The following SRR variants were observed in gnomAD, a reference collection of about 807,000 sequenced individuals.
SRR encodes serine racemase.
A neutral mutation model predicts 32.7 loss-of-function variants in SRR; 19 were observed. The observed-to-expected ratio is 0.58, with a 90% CI of 0.40 to 0.85. SRR has a LOEUF of 0.85. SRR is among the 40% of genes least tolerant of loss of function. The pLI, the probability that SRR is intolerant of heterozygous loss-of-function variation, is 0.00. For missense variants in SRR, 373 were observed against 404.7 expected, an observed-to-expected ratio of 0.92 and a Z score of 0.67; for synonymous variants, 142 against 140.9, an observed-to-expected ratio of 1.01 and a Z score of -0.06.
upstream of SRR, chr17:2,303,625 C>T (rs2075342030): frequency 6.9e-7 from 1 of 1,453,182 alleles, no homozygotes. Flanking sequence ...CTGGGCGGCG[C>T]GACTCACCTC....
chr17:2,321,726 T>G (rs914146071), intron 6 of SRR, 110 bp downstream of exon 6: 1 of 976,462 alleles, frequency 1.0e-6, no homozygotes, highest in African/African-American at 1.6e-5. Flanking sequence ...TTCCTTCCCC[T>G]TATTCCTTTG....
chr17:2,323,716 G>T lies in SRR; in HGVS notation c.866G>T (p.Gly289Val), dbSNP rs2075554692. The change falls in exon 8 of 8, where the codon GGA becomes GTA. Residue 289 changes from glycine to valine, a missense_variant. Gly to Val is a moderately radical substitution (Grantham distance 109). Transcript: ENST00000344595. ...CTCATTGAACCTACAGCTGGTGTTG[G>T]AGTGGCTGCTGTGCTGTCTCAACAT... ...KLLIEPTAGVGVAAVLSQHFQ... is the reference protein window; with the variant it reads ...KLLIEPTAGVVVAAVLSQHFQ... 1 of 1,613,914 alleles carries T rather than the reference G, an allele frequency of 6.2e-7. No homozygotes were observed. The highest frequency in any genetic ancestry group is 8.5e-7 in the Non-Finnish European group (1 of 1,179,924).
chr17:2,318,920 T>C lies in SRR; in HGVS notation c.390T>C (p.Pro130=). 1 of 1,611,214 alleles carries C rather than the reference T, an allele frequency of 6.2e-7. No homozygotes were observed. The highest frequency in any genetic ancestry group is 8.5e-7 in the Non-Finnish European group (1 of 1,177,474). ...GAGCGTCAATTGTATACTGTGAACC[T>C]AGTGATGAGGTAAGGAGAGCAGTGC... ...AYGASIVYCE[P]SDESRENVAK... The change falls in exon 4 of 8, where the codon CCT becomes CCC. Residue 130 remains proline, a synonymous_variant. Coordinates refer to ENST00000344595, the MANE Select transcript of SRR (RefSeq NM_021947.3).
At chr17:2,308,335 A>C (rs2075408519) in intron 1 of SRR, among the ~76,000 whole-genome samples, 1 of 152,196 alleles carries the variant, frequency 6.6e-6, no homozygotes, top group Admixed American at 6.5e-5. Flanking sequence ...GCTGTACTTT[A>C]AATAGATTGA....
chr17:2,313,609 G>A (rs549840006), intron 1 of SRR, among the ~76,000 whole-genome samples: 204 of 152,012 alleles, frequency 1.3e-3, no homozygotes, highest in Non-Finnish European at 2.6e-3. Flanking sequence ...GGTGGTGGGC[G>A]CCTGTAATGC....
At position 2,324,159 on chromosome 17, in the gene SRR, T is replaced by C. The variant is rs561395220; in HGVS notation, c.*286T>C. 2.6e-6 allele frequency: 4 copies of C among 1,511,918 alleles called. No homozygotes were observed. In the African/African-American group the frequency reaches 5.6e-5, roughly 21 times the overall value. 93.7% of individuals were successfully genotyped at this position (1,511,918 alleles called of 1,614,324 possible). On this transcript the variant is annotated 3_prime_UTR_variant, in exon 8 of 8. Coordinates refer to ENST00000344595, the MANE Select transcript of SRR (RefSeq NM_021947.3). ...CTTGTGCCTCCCATCCCTGGAGTAC[T>C]GACTGGCACCGGTAAGACAGAATCT... is the stretch of plus-strand genomic sequence containing the variant.
chr17:2,304,930 C>A (rs79113721), intron 1 of SRR, among the ~76,000 whole-genome samples: 1 of 152,252 alleles, frequency 6.6e-6, no homozygotes, highest in Non-Finnish European at 1.5e-5. Context: ...AGGTGAAGCT[C>A]CCTTCCCCAA....
chr17:2,313,363 G>A (rs2075446696), intron 1 of SRR, among the ~76,000 whole-genome samples: 1 of 151,346 alleles, frequency 6.6e-6, no homozygotes, highest in Non-Finnish European at 1.5e-5. Context: ...CTGGGAGGCA[G>A]AGGTTGCAGT....
At chr17:2,315,800 C>T (rs2075468599) in intron 2 of SRR, 72 bp downstream of exon 2, 8 of 1,410,410 alleles carry the variant, frequency 5.7e-6, no homozygotes, top group Non-Finnish European at 7.9e-6. Flanking sequence ...ATTCTCCTGA[C>T]CACCCAATGA....
intron 4 of SRR, among the ~76,000 whole-genome samples, chr17:2,319,498 C>T (rs2075506433): frequency 6.6e-6 from 1 of 152,028 alleles, no homozygotes; most frequent in African/African-American, 2.4e-5. Context: ...CCAGGCTGGT[C>T]TCAAACTCCT....
chr17:2,314,365 C>T (rs918498184), intron 1 of SRR, among the ~76,000 whole-genome samples: 19 of 152,028 alleles, frequency 1.2e-4, no homozygotes, highest in African/African-American at 3.4e-4. Context: ...AGGCGGATCA[C>T]GAGGTCAGGA....
intron 1 of SRR, among the ~76,000 whole-genome samples, chr17:2,304,801 A>C (rs957179987): frequency 6.6e-6 from 1 of 151,742 alleles, no homozygotes; most frequent in Non-Finnish European, 1.5e-5. Context: ...CTGTGTCACT[A>C]TGGATTCTTG....
chr17:2,315,636 A>C lies in SRR; in HGVS notation c.76A>C (p.Thr26Pro). Residue 26 changes from threonine to proline, a missense_variant, in exon 2 of 8, where the codon ACA (threonine) becomes CCA (proline). Coordinates refer to ENST00000344595, the MANE Select transcript of SRR (RefSeq NM_021947.3). ...CAACATTCGAGATTCTATCCACCTC[A>C]CACCAGTGCTAACAAGCTCCATTTT... ...HINIRDSIHL[T>P]PVLTSSILNQ... 6.2e-7 allele frequency: 1 copy of C among 1,614,126 alleles called. No individual in the cohort carries two copies. The highest frequency in any genetic ancestry group is 8.5e-7 in the Non-Finnish European group (1 of 1,180,000).
intron 1 of SRR, among the ~76,000 whole-genome samples, chr17:2,313,769 C>T (rs1418137079): frequency 6.6e-6 from 1 of 151,988 alleles, no homozygotes; most frequent in Non-Finnish European, 1.5e-5. Flanking sequence ...GATAAATGTA[C>T]TCACCTATGA....
chr17:2,305,533 C>G (rs1273646925), intron 1 of SRR, among the ~76,000 whole-genome samples: 1 of 152,098 alleles, frequency 6.6e-6, no homozygotes, highest in Non-Finnish European at 1.5e-5. Context: ...GATAATACAG[C>G]TGACTGCAGA....
intron 2 of SRR, 103 bp from the exon 3 acceptor site, chr17:2,317,767 C>A: frequency 8.2e-7 from 1 of 1,216,372 alleles, no homozygotes; most frequent in Non-Finnish European, 1.2e-6. Context: ...GATTTGGTGA[C>A]AGATTGGATG....
At chr17:2,311,592 GATC>G (rs2075434357) in intron 1 of SRR, among the ~76,000 whole-genome samples, 1 of 152,162 alleles carries the variant, frequency 6.6e-6, no homozygotes, top group African/African-American at 2.4e-5. Flanking sequence ...AGTGAGCTGA[GATC>G]ATGCCAATGC....
intron 1 of SRR, chr17:2,306,994 G>A (rs1315631997): frequency 3.6e-6 from 5 of 1,385,034 alleles, no homozygotes; most frequent in South Asian, 3.5e-5. Flanking sequence ...GCCACACAAG[G>A]TGGATGGAAG....
At chr17:2,319,768 G>C (rs1037719923) in intron 4 of SRR, among the ~76,000 whole-genome samples, 1 of 151,412 alleles carries the variant, frequency 6.6e-6, no homozygotes, top group African/African-American at 2.4e-5. Context: ...CACACTACAG[G>C]CTTTTTTGAG....
Sources: gnomAD v4.1 joint callset for allele counts (sites outside exome capture counted in the v4.1 genomes callset) on GRCh38, gnomAD v4.1.1 for gene constraint, MANE v1.5 for transcripts, NCBI Gene and HGNC (gene_info 2026-07-23, HGNC 2026-07-21) for gene names.